Variants in CLEC16A observed in about 807,000 individuals in gnomAD.
CLEC16A encodes the protein protein CLEC16A.
CLEC16A carries 51 observed loss-of-function variants against 109.5 expected under a neutral mutation model. The observed-to-expected ratio is 0.47, with a 90% CI of 0.37 to 0.59. The LOEUF is 0.59. Ranked by LOEUF, CLEC16A falls within the 20% of genes least tolerant of loss-of-function variation. The pLI, the probability that CLEC16A is intolerant of heterozygous loss-of-function variation, is 0.00. For synonymous variants in CLEC16A, 673 were observed against 564.2 expected (o/e 1.19, Z -2.73); for missense variants, 1,339 against 1,394.0 (o/e 0.96, Z 0.63).
chr16:11,045,625 G>C (rs916037019), intron 16 of CLEC16A, among the ~76,000 whole-genome samples: 5 of 152,162 alleles, frequency 3.3e-5, no homozygotes, highest in African/African-American at 1.2e-4. Flanking sequence ...TCACTCGTCA[G>C]CCATGGTGGA....
Position 11,182,022 on chromosome 16 carries a change from G to C in CLEC16A, c.*3332G>C, listed in dbSNP as rs1332649971. 2 of 152,540 alleles carry C rather than the reference G, an allele frequency of 1.3e-5. No individual in the cohort carries two copies. Among genetic ancestry groups the C allele is most frequent in the African/African-American group, 4.8e-5 (2 of 41,446 alleles). The allele number at this position is 152,540 out of a possible 1,614,324, so 9.4% of individuals were successfully genotyped here. A position where few individuals can be genotyped will look rare whatever the true frequency, so the allele number is the denominator to read the frequency against. On this transcript the variant is annotated 3_prime_UTR_variant, in exon 24 of 24. Coordinates refer to ENST00000409790, the MANE Select transcript of CLEC16A (RefSeq NM_015226.3). ...ATTTTTGTCCCAGTGAGAACCGAGG[G>C]TTAGAAAACCTCGATGCCTCTGAGC...
In CLEC16A at chr16:11,070,306, G is replaced by A. The variant is rs181931433; in HGVS notation, c.2116+9284G>A. ...AGGATGGTCACGATCTCCTGACCTC[G>A]TGATCCGCCCGCCTCGGCCTCCCAA... On this transcript the variant is annotated intron_variant, in intron 19 of 23. Transcript: ENST00000409790. Among the ~76,000 whole-genome samples, 1,414 of 151,898 alleles carry A rather than the reference G, an allele frequency of 9.3e-3. 22 individuals carry two copies. Among genetic ancestry groups the A allele is most frequent in the African/African-American group, 0.032 (1,333 of 41,392 alleles).
chr16:11,067,184 T>C (rs2048813141), intron 19 of CLEC16A, among the ~76,000 whole-genome samples: 1 of 122,412 alleles, frequency 8.2e-6, no homozygotes, highest in East Asian at 2.6e-4. Flanking sequence ...TTTTTGTTTG[T>C]TTTTGTTTTT....
At chr16:11,145,203 A>G (rs1246623291) in intron 22 of CLEC16A, among the ~76,000 whole-genome samples, 1 of 152,130 alleles carries the variant, frequency 6.6e-6, no homozygotes, top group Non-Finnish European at 1.5e-5. Context: ...CTTCAAGCAG[A>G]GGGCGAAGGT....
chr16:11,066,015 A>G (rs2048735398), intron 19 of CLEC16A, among the ~76,000 whole-genome samples: 1 of 152,188 alleles, frequency 6.6e-6, no homozygotes, highest in Non-Finnish European at 1.5e-5. Flanking sequence ...ACTGGGGGCT[A>G]GAAAGGCCTG....
intron 17 of CLEC16A, among the ~76,000 whole-genome samples, chr16:11,050,869 A>G (rs1365434443): frequency 2.6e-5 from 4 of 152,246 alleles, no homozygotes; most frequent in African/African-American, 9.6e-5. Flanking sequence ...GAAGGGGACA[A>G]GGAAGGAAGG....
At position 11,073,772 on chromosome 16, in the gene CLEC16A, TAGGGCCTGGCAC is replaced by T. The variant is rs1161786854; in HGVS notation, c.2116+12764_2116+12775del. ...GTGCGCTTACCGCTCTGTATATCCC[TAGGGCCTGGCAC>T]AGGGCCTGGCACATAGTAGACACTC... is the stretch of plus-strand genomic sequence containing the variant. On this transcript the variant is annotated intron_variant, in intron 19 of 23. Coordinates refer to ENST00000409790, the MANE Select transcript of CLEC16A (RefSeq NM_015226.3). Among the ~76,000 whole-genome samples the T allele has an allele frequency of 7.9e-5, 12 of 152,342 alleles. No individual in the cohort carries two copies. The East Asian group carries it at 2.1e-3, about 27-fold the overall frequency.
At chr16:10,958,798 G>C (rs1249998878) in intron 2 of CLEC16A, among the ~76,000 whole-genome samples, 1 of 152,158 alleles carries the variant, frequency 6.6e-6, no homozygotes, top group Non-Finnish European at 1.5e-5. Context: ...CAGCTACTCA[G>C]AAGGTTGAGG....
chr16:10,948,516 G>A (rs1362405008), intron 1 of CLEC16A, among the ~76,000 whole-genome samples: 4 of 152,260 alleles, frequency 2.6e-5, no homozygotes, highest in South Asian at 2.1e-4. Context: ...ACCACCAAGC[G>A]GAAGCCTGAG....
At chr16:11,049,488 T>TTGTC (rs1264689199) in intron 17 of CLEC16A, among the ~76,000 whole-genome samples, 2 of 151,938 alleles carry the variant, frequency 1.3e-5, no homozygotes, top group African/African-American at 4.8e-5. Context: ...TTTTGTTTGT[T>TTGTC]TGTTTGTTTG....
intron 16 of CLEC16A, among the ~76,000 whole-genome samples, chr16:11,046,747 G>A (rs974776481): frequency 6.6e-6 from 1 of 152,178 alleles, no homozygotes; most frequent in African/African-American, 2.4e-5. Flanking sequence ...TATGCCCACC[G>A]TGCTGTTCTG....
At position 11,092,355 on chromosome 16, in the gene CLEC16A, A is replaced by C. The variant is rs1205697293; in HGVS notation, c.2117-28260A>C. 4.8e-3 allele frequency among the ~76,000 whole-genome samples: 413 copies of C among 86,376 alleles called. 6 individuals are homozygous for C. The highest frequency in any genetic ancestry group is 0.047 in the Admixed American group (352 of 7,524). The allele number at this position is 86,376 out of a possible 152,430, so 56.7% of individuals were successfully genotyped here. A position where few individuals can be genotyped will look rare whatever the true frequency, so the allele number is the denominator to read the frequency against. On this transcript the variant is annotated intron_variant, in intron 19 of 23. Transcript: ENST00000409790. ...TAAGACCTGTCTCAAAAAACAAACA[A>C]AAACAAACACACACACACACACACA...
intron 11 of CLEC16A, among the ~76,000 whole-genome samples, chr16:11,004,302 G>A (rs1314979310): frequency 2.0e-5 from 3 of 152,176 alleles, no homozygotes; most frequent in African/African-American, 4.8e-5. Flanking sequence ...GTCTCTGCCC[G>A]TCGTCCTGGG....
intron 22 of CLEC16A, among the ~76,000 whole-genome samples, chr16:11,158,381 G>T (rs2054608062): frequency 6.6e-6 from 1 of 152,146 alleles, no homozygotes; most frequent in South Asian, 2.1e-4. Flanking sequence ...GCCCTCAGCG[G>T]GTTTTATATT....
At chr16:10,990,438 G>A (rs1412186045) in intron 10 of CLEC16A, among the ~76,000 whole-genome samples, 2 of 152,230 alleles carry the variant, frequency 1.3e-5, no homozygotes, top group African/African-American at 2.4e-5. Context: ...ACTGAGGAGG[G>A]TCTCAATGTC....
rs114236973 is a variant in CLEC16A, at chr16:11,055,251, G to A, written c.1995+3610G>A. Among the ~76,000 whole-genome samples the A allele has an allele frequency of 6.3e-3, 958 of 152,296 alleles. 9 individuals are homozygous for A. Among genetic ancestry groups the A allele is most frequent in the African/African-American group, 0.022 (897 of 41,546 alleles). Reference sequence around the variant, plus strand: ...GGTATCAACTCACAGTCAGAGCTCTGGAGGAAAGAAACAGCATGCCATAGC... The same window carrying A: ...GGTATCAACTCACAGTCAGAGCTCTAGAGGAAAGAAACAGCATGCCATAGC... On this transcript the variant is annotated intron_variant, in intron 18 of 23. Coordinates refer to ENST00000409790, the MANE Select transcript of CLEC16A (RefSeq NM_015226.3).
chr16:10,969,112 A>T, intron 3 of CLEC16A, 49 bp from the exon 4 acceptor site: 1 of 1,529,576 alleles, frequency 6.5e-7, no homozygotes, highest in Non-Finnish European at 8.9e-7. Flanking sequence ...TACCTGGCTT[A>T]TCTTTCCTCC....
chr16:11,018,274 C>A (rs2045882384), intron 11 of CLEC16A, among the ~76,000 whole-genome samples: 2 of 146,668 alleles, frequency 1.4e-5, no homozygotes, highest in Non-Finnish European at 3.0e-5. Flanking sequence ...CAGAGCAAGA[C>A]CCTGTCTCAA....
chr16:10,962,517 G>T lies in CLEC16A; in HGVS notation c.272G>T (p.Arg91Leu), dbSNP rs202157918. ...AACATCTTGCGGCAAAAGTCGGGCC[G>T]TTACGTGTGCGTTCAGCTGCTGCAG... ...FLNILRQKSG[R>L]YVCVQLLQTL... Residue 91 changes from arginine (R) to leucine (L), a missense_variant, in exon 3 of 24, where the codon CGT (arginine) becomes CTT (leucine). Physicochemically the swap from Arg to Leu is moderately radical, Grantham distance 102 (BLOSUM62 -2). Transcript: ENST00000409790. The T allele has an allele frequency of 6.2e-7, 1 of 1,613,916 alleles. No homozygotes were observed. Among genetic ancestry groups the T allele is most frequent in the Non-Finnish European group, 8.5e-7 (1 of 1,179,866 alleles).
Sources: gnomAD v4.1 joint callset for allele counts (sites outside exome capture counted in the v4.1 genomes callset) on GRCh38, gnomAD v4.1.1 for gene constraint, MANE v1.5 for transcripts, NCBI Gene and HGNC (gene_info 2026-07-23, HGNC 2026-07-21) for gene names.